Variants in PITPNM2 observed in about 807,000 individuals in gnomAD.
PITPNM2 encodes membrane-associated phosphatidylinositol transfer protein 2.
A neutral mutation model predicts 132.2 loss-of-function variants in PITPNM2; 35 were observed. That is an observed-to-expected ratio of 0.26 (90% CI 0.20 to 0.35). The LOEUF (loss-of-function observed/expected upper bound fraction) is 0.35, where lower values mean the gene tolerates loss of function less well. PITPNM2 is among the 10% of genes least tolerant of loss of function. The probability of loss-of-function intolerance (pLI) is 1.00; values close to 1 mark genes in which losing one functional copy is unlikely to be tolerated. For missense variants in PITPNM2, 1,332 were observed against 1,912.0 expected (o/e 0.70, Z 5.66); for synonymous variants, 738 against 799.2 (o/e 0.92, Z 1.29).
At chr12:123,145,211 C>T in intron 1 of PITPNM2, among the ~76,000 whole-genome samples, 1 of 152,078 alleles carries the variant, frequency 6.6e-6, no homozygotes, top group Non-Finnish European at 1.5e-5. Flanking sequence ...CTATGGCCAA[C>T]AATATGAATC....
chr12:123,088,367 T>C (rs868812781), intron 2 of PITPNM2: 1 of 152,250 alleles, frequency 6.6e-6, no homozygotes, highest in African/African-American at 2.4e-5. Flanking sequence ...CTTTTCTTCC[T>C]GGCATTTAGC....
At position 123,004,281 on chromosome 12, in the gene PITPNM2, G is replaced by A. The variant is rs1487195802; in HGVS notation, c.1048+113C>T. The stretch of plus-strand genomic sequence containing the variant: ...AGTGCAGGTATAGGGACTGGATATA[G>A]AATAGTAACAGGCAACACCCGCATC... On this transcript the variant is annotated intron_variant, in intron 8 of 25. Transcript: ENST00000320201. The surrounding 1 kb of genome is among the most constrained non-coding windows in gnomAD (Gnocchi z 4.9). The A allele has an allele frequency of 4.1e-6, 4 of 964,746 alleles. No individual in the cohort carries two copies. Among genetic ancestry groups the A allele is most frequent in the African/African-American group, 3.2e-5 (2 of 62,274 alleles). 59.8% of individuals were successfully genotyped at this position (964,746 alleles called of 1,614,324 possible). A position where few individuals can be genotyped will look rare whatever the true frequency, so the allele number is the denominator to read the frequency against.
At chr12:123,092,997 T>C (rs2042310452) in intron 2 of PITPNM2, among the ~76,000 whole-genome samples, 1 of 152,214 alleles carries the variant, frequency 6.6e-6, no homozygotes, top group African/African-American at 2.4e-5. Flanking sequence ...GATGTGTGGA[T>C]TGACAAAATG....
chr12:123,133,929 A>G (rs1407018119), intron 1 of PITPNM2, among the ~76,000 whole-genome samples: 1 of 152,102 alleles, frequency 6.6e-6, no homozygotes, highest in Non-Finnish European at 1.5e-5. Context: ...TGATACGCCC[A>G]CCTTGGCCTC....
intron 2 of PITPNM2, among the ~76,000 whole-genome samples, chr12:123,105,922 C>A (rs1199056479): frequency 6.6e-6 from 1 of 152,190 alleles, no homozygotes; most frequent in African/African-American, 2.4e-5. Flanking sequence ...CTGACCAAGA[C>A]AGCAGGGCAC....
chr12:123,013,136 G>A, intron 4 of PITPNM2, among the ~76,000 whole-genome samples: 1 of 152,198 alleles, frequency 6.6e-6, no homozygotes, highest in East Asian at 1.9e-4. Flanking sequence ...CTCTCTCTAG[G>A]CTGGAGATGA....
At chr12:122,997,720 C>T in intron 10 of PITPNM2, 148 bp from the exon 11 acceptor site, 1 of 1,157,060 alleles carries the variant, frequency 8.6e-7, no homozygotes, top group Non-Finnish European at 1.2e-6. Context: ...ATGCCTGGAG[C>T]CTGGGGTTTG....
At chr12:123,045,310 T>G (rs2040617892) in intron 2 of PITPNM2, among the ~76,000 whole-genome samples, 1 of 152,230 alleles carries the variant, frequency 6.6e-6, no homozygotes, top group Non-Finnish European at 1.5e-5. Context: ...TTAGCTATAC[T>G]TGCTGTTTCC....
At chr12:123,024,931 A>AAAC (rs2039800875) in intron 3 of PITPNM2, among the ~76,000 whole-genome samples, 1 of 152,188 alleles carries the variant, frequency 6.6e-6, no homozygotes, top group Admixed American at 6.5e-5. Context: ...TTATAAAACA[A>AAAC]AACAAACAGA....
chr12:123,011,773 G>A (rs1360640544), intron 5 of PITPNM2, among the ~76,000 whole-genome samples: 1 of 152,148 alleles, frequency 6.6e-6, no homozygotes, highest in Non-Finnish European at 1.5e-5. Flanking sequence ...GACACTGAAG[G>A]GGCCTGAACA....
intron 2 of PITPNM2, among the ~76,000 whole-genome samples, chr12:123,055,836 C>T (rs1451963782): frequency 1.3e-5 from 2 of 152,056 alleles, no homozygotes; most frequent in Non-Finnish European, 2.9e-5. Context: ...AACGGTGACT[C>T]CCCACAAGCC....
At chr12:123,151,596 A>G (rs1175986569), upstream of PITPNM2, among the ~76,000 whole-genome samples, 14 of 152,094 alleles carry the variant, frequency 9.2e-5, no homozygotes, top group Non-Finnish European at 1.8e-4. Flanking sequence ...GCCGCGGCCC[A>G]GGGAACGGCA....
intron 3 of PITPNM2, among the ~76,000 whole-genome samples, chr12:123,025,853 T>C (rs2039846330): frequency 6.6e-6 from 1 of 152,208 alleles, no homozygotes; most frequent in Non-Finnish European, 1.5e-5. Context: ...CATTCTCCTT[T>C]AGTTACTGCA....
Position 123,054,632 on chromosome 12 carries a change from C to T in PITPNM2, c.-95-19947G>A, listed in dbSNP as rs189185294. ...GTGAACATGAACATTCCAATTAGGTCTCCTTTTTGCCTGAGTTCAAACTGG... is the reference window on the plus strand; with the variant it reads ...GTGAACATGAACATTCCAATTAGGTTTCCTTTTTGCCTGAGTTCAAACTGG... On this transcript the variant is annotated intron_variant, in intron 2 of 25. Coordinates refer to ENST00000320201, the MANE Select transcript of PITPNM2 (RefSeq NM_020845.3). 8.5e-5 allele frequency among the ~76,000 whole-genome samples: 13 copies of T among 152,348 alleles called. No homozygotes were observed. In the East Asian group the frequency reaches 2.5e-3, roughly 29 times the overall value.
intron 3 of PITPNM2, among the ~76,000 whole-genome samples, chr12:123,014,945 T>C (rs2039364398): frequency 1.3e-5 from 2 of 152,164 alleles, no homozygotes; most frequent in South Asian, 4.1e-4. Context: ...TATAATAGCC[T>C]CTGAAAGAAT....
At position 122,984,689 on chromosome 12, in the gene PITPNM2, G is replaced by A. The variant is rs1411344784; in HGVS notation, c.*1338C>T. ...TCCATGCGTCCCAACACCAGACCCA[G>A]GTCGGCCGTAGCTTCTCGGGGACAG... On this transcript the variant is annotated 3_prime_UTR_variant, in exon 26 of 26. Coordinates refer to ENST00000320201, the MANE Select transcript of PITPNM2 (RefSeq NM_020845.3). The A allele has an allele frequency of 6.6e-6, 1 of 152,244 alleles. No homozygotes were observed. Among genetic ancestry groups the A allele is most frequent in the Non-Finnish European group, 1.5e-5 (1 of 68,060 alleles). 9.4% of individuals were successfully genotyped at this position (152,244 alleles called of 1,614,324 possible).
In PITPNM2 at chr12:123,069,443, G is replaced by A. The variant is rs78894424; in HGVS notation, c.-95-34758C>T. 6.3e-3 allele frequency among the ~76,000 whole-genome samples: 957 copies of A among 152,200 alleles called. 17 individuals are homozygous for A. Among genetic ancestry groups the A allele is most frequent in the South Asian group, 0.047 (228 of 4,816 alleles). On this transcript the variant is annotated intron_variant, in intron 2 of 25. Coordinates refer to ENST00000320201, the MANE Select transcript of PITPNM2 (RefSeq NM_020845.3). ...AGACAGATGGAGAGACTGGAGACAG[G>A]ACAGGGATTGCTGCAGGCCACGCAG... is the stretch of plus-strand genomic sequence containing the variant.
chr12:123,040,772 C>G (rs537482701), intron 2 of PITPNM2, among the ~76,000 whole-genome samples: 11 of 150,516 alleles, frequency 7.3e-5, no homozygotes, highest in African/African-American at 2.4e-4. Context: ...AAAAAGATCA[C>G]GTAGAACATG....
chr12:122,995,649 C>A lies in PITPNM2; in HGVS notation c.1794G>T (p.Leu598=). 6.3e-7 allele frequency: 1 copy of A among 1,597,200 alleles called. No individual in the cohort carries two copies. The highest frequency in any genetic ancestry group is 8.5e-7 in the Non-Finnish European group (1 of 1,176,380). Residue 598 remains leucine (L), a synonymous_variant, in exon 14 of 26, where the codon CTG becomes CTT. Transcript: ENST00000320201. Reference sequence around the variant, plus strand: ...CATTCATCAGGATGCCCGGGGACAGCAGGTCATTGTCCTGGAACGGCCCCG... The same window carrying A: ...CATTCATCAGGATGCCCGGGGACAGAAGGTCATTGTCCTGGAACGGCCCCG... The part of the protein sequence containing the change: ...GSVVSMQDND[L]LSPGILMNAA...
Sources: allele counts gnomAD v4.1 joint callset (sites outside exome capture counted in the v4.1 genomes callset), GRCh38; gene constraint gnomAD v4.1.1; non-coding constraint Gnocchi (gnomAD v3.1); transcripts MANE v1.5; gene names NCBI Gene and HGNC (gene_info 2026-07-23, HGNC 2026-07-21).